The following NCAM2 variants were observed in gnomAD, a reference collection of about 807,000 sequenced individuals.
NCAM2 encodes the protein neural cell adhesion molecule 2.
In NCAM2, 30 loss-of-function variants were observed where a neutral mutation model predicts 98.1. The observed-to-expected ratio is 0.31, with a 90% CI of 0.23 to 0.41. The LOEUF is 0.41. NCAM2 is among the 10% of genes least tolerant of loss of function. The pLI is 1.00. For missense variants in NCAM2, 867 were observed against 1,005.8 expected, an observed-to-expected ratio of 0.86 and a Z score of 1.87; for synonymous variants, 368 against 342.4, an observed-to-expected ratio of 1.07 and a Z score of -0.83.
intron 12 of NCAM2, among the ~76,000 whole-genome samples, chr21:21,459,153 C>G (rs1486580166): frequency 2.0e-5 from 3 of 151,704 alleles, no homozygotes; most frequent in Admixed American, 6.6e-5. Context: ...GAGATATCAA[C>G]TCACACCTGT....
chr21:21,004,721 C>T (rs905197945), intron 1 of NCAM2, among the ~76,000 whole-genome samples: 1 of 152,090 alleles, frequency 6.6e-6, no homozygotes, highest in Admixed American at 6.5e-5. Flanking sequence ...ATTGTGTTTA[C>T]TAACTGACAG....
At position 21,054,651 on chromosome 21, in the gene NCAM2, A is replaced by G. The variant is rs567972786; in HGVS notation, c.55+56033A>G. 9.2e-5 allele frequency among the ~76,000 whole-genome samples: 14 copies of G among 152,150 alleles called. No individual in the cohort carries two copies. The South Asian group carries it at 2.1e-3, about 23-fold the overall frequency. On this transcript the variant is annotated intron_variant, in intron 1 of 17. Coordinates refer to ENST00000400546, the MANE Select transcript of NCAM2 (RefSeq NM_004540.5). ...TCCAAAAGATGTGATACCGATGTCT[A>G]TTTTAAATTGCTAGAAAAGAAATGA...
intron 1 of NCAM2, among the ~76,000 whole-genome samples, chr21:21,205,732 C>T (rs1357123589): frequency 6.6e-6 from 1 of 151,998 alleles, no homozygotes; most frequent in East Asian, 1.9e-4. Flanking sequence ...ACTGAGGTAG[C>T]CTATAAGCAG....
At chr21:21,151,557 C>G (rs1168471365) in intron 1 of NCAM2, among the ~76,000 whole-genome samples, 4 of 152,012 alleles carry the variant, frequency 2.6e-5, no homozygotes, top group Non-Finnish European at 5.9e-5. Flanking sequence ...CCTGTTAATT[C>G]TGTCAGGATT....
chr21:21,250,130 A>G (rs575520405), intron 1 of NCAM2, among the ~76,000 whole-genome samples: 2 of 152,352 alleles, frequency 1.3e-5, no homozygotes, highest in African/African-American at 4.8e-5. Context: ...ACAGGTCAAC[A>G]TAAGGCATTT....
At chr21:21,087,266 A>G (rs890575965) in intron 1 of NCAM2, among the ~76,000 whole-genome samples, 1 of 152,118 alleles carries the variant, frequency 6.6e-6, no homozygotes, top group Non-Finnish European at 1.5e-5. Context: ...TGTCTTCTGT[A>G]CTATGCACTT....
intron 15 of NCAM2, among the ~76,000 whole-genome samples, chr21:21,490,393 A>G (rs1251302874): frequency 2.0e-5 from 3 of 151,946 alleles, no homozygotes; most frequent in Admixed American, 1.3e-4. Context: ...TTAATTGTGA[A>G]CTAATCTAAT....
chr21:21,336,385 T>C (rs1218386375), intron 7 of NCAM2, among the ~76,000 whole-genome samples: 1 of 149,662 alleles, frequency 6.7e-6, no homozygotes, highest in Non-Finnish European at 1.5e-5. Flanking sequence ...AGGAGAAATC[T>C]GTTAGAATAA....
chr21:21,339,572 C>T (rs1451521714), intron 8 of NCAM2, among the ~76,000 whole-genome samples: 1 of 151,782 alleles, frequency 6.6e-6, no homozygotes, highest in East Asian at 1.9e-4. Flanking sequence ...AAAGAGAAAC[C>T]TCCTTTAAAC....
At chr21:21,510,689 T>C (rs948384812) in intron 16 of NCAM2, among the ~76,000 whole-genome samples, 4 of 152,124 alleles carry the variant, frequency 2.6e-5, no homozygotes, top group Non-Finnish European at 4.4e-5. Context: ...GAAAAGTTTT[T>C]ACTTTAAAGT....
chr21:21,088,775 G>A (rs564247930), intron 1 of NCAM2, among the ~76,000 whole-genome samples: 2 of 152,096 alleles, frequency 1.3e-5, no homozygotes, highest in Non-Finnish European at 2.9e-5. Flanking sequence ...GGCGGATCAC[G>A]AGGTCAGGAG....
At chr21:21,490,012 T>C (rs2146304771) in intron 15 of NCAM2, among the ~76,000 whole-genome samples, 1 of 152,136 alleles carries the variant, frequency 6.6e-6, no homozygotes, top group Admixed American at 6.5e-5. Context: ...TTTTCAAAAT[T>C]AGACAAAGAT....
At chr21:21,434,628 A>C (rs1311891708) in intron 12 of NCAM2, among the ~76,000 whole-genome samples, 4 of 152,146 alleles carry the variant, frequency 2.6e-5, no homozygotes, top group Non-Finnish European at 5.9e-5. Flanking sequence ...GTTATTTAAT[A>C]ATATATTTGG....
At chr21:21,513,944 G>T (rs1342069778) in intron 16 of NCAM2, among the ~76,000 whole-genome samples, 1 of 151,710 alleles carries the variant, frequency 6.6e-6, no homozygotes, top group South Asian at 2.1e-4. Flanking sequence ...ATTTTATAAT[G>T]ACCTTATTCA....
chr21:21,027,356 A>G (rs1601134596), intron 1 of NCAM2, among the ~76,000 whole-genome samples: 1 of 152,196 alleles, frequency 6.6e-6, no homozygotes, highest in Admixed American at 6.5e-5. Flanking sequence ...TAGCATTATG[A>G]TAGAAATTTG....
intron 1 of NCAM2, among the ~76,000 whole-genome samples, chr21:21,243,769 A>T (rs2071159723): frequency 6.6e-6 from 1 of 152,190 alleles, no homozygotes; most frequent in South Asian, 2.1e-4. Flanking sequence ...TAAAGCTCAC[A>T]CACATCTGGG....
intron 1 of NCAM2, among the ~76,000 whole-genome samples, chr21:21,029,333 T>C (rs2064622897): frequency 6.6e-6 from 1 of 152,182 alleles, no homozygotes; most frequent in African/African-American, 2.4e-5. Context: ...ATAGATTCTT[T>C]CTGATGTAAA....
intron 3 of NCAM2, 118 bp from the exon 4 acceptor site, chr21:21,286,151 G>T: frequency 9.1e-7 from 1 of 1,100,956 alleles, no homozygotes; most frequent in Non-Finnish European, 1.3e-6. Context: ...AAAGTATCTA[G>T]GTTTCCCTAA....
Position 20,998,664 on chromosome 21 carries a change from A to G in NCAM2, c.55+46A>G, listed in dbSNP as rs1409915666. On this transcript the variant is annotated intron_variant, in intron 1 of 17. Transcript: ENST00000400546. ...TGCATTTACTTTCCCTCCCCCTTCCACCCGGCCAAGAGAGGCAAAGAGGGA... is the reference window on the plus strand; with the variant it reads ...TGCATTTACTTTCCCTCCCCCTTCCGCCCGGCCAAGAGAGGCAAAGAGGGA... The G allele has an allele frequency of 4.4e-6, 7 of 1,575,818 alleles. No homozygotes were observed. In the Admixed American group the frequency reaches 6.7e-5, roughly 15 times the overall value.
Sources: gnomAD v4.1 joint callset for allele counts (sites outside exome capture counted in the v4.1 genomes callset) on GRCh38, gnomAD v4.1.1 for gene constraint, MANE v1.5 for transcripts, NCBI Gene and HGNC (gene_info 2026-07-23, HGNC 2026-07-21) for gene names.